SDC2: variants seen among roughly 807,000 people sequenced by gnomAD.
SDC2 encodes the protein syndecan 2.
Under a neutral mutation model 22.2 loss-of-function variants are expected in SDC2, and 13 were observed. That is an observed-to-expected ratio of 0.59 (90% confidence interval 0.38 to 0.93). SDC2 has a LOEUF of 0.93. SDC2 is among the 40% of genes least tolerant of loss of function. The pLI is 0.00. For synonymous variants in SDC2, 94 were observed against 92.8 expected (o/e 1.01, Z -0.07); for missense variants, 235 against 246.8 (o/e 0.95, Z 0.32).
At chr8:96,591,305 G>T (rs1029878013) in intron 1 of SDC2, among the ~76,000 whole-genome samples, 2 of 152,164 alleles carry the variant, frequency 1.3e-5, no homozygotes, top group Non-Finnish European at 2.9e-5. Flanking sequence ...AAGACTGTAG[G>T]TTACTTAAAT....
chr8:96,545,884 A>G (rs1813923308), intron 1 of SDC2, among the ~76,000 whole-genome samples: 1 of 152,230 alleles, frequency 6.6e-6, no homozygotes. Flanking sequence ...TTACTGTGTT[A>G]GATGAGGTTT....
At chr8:96,516,774 A>G (rs1313271159) in intron 1 of SDC2, among the ~76,000 whole-genome samples, 6 of 152,180 alleles carry the variant, frequency 3.9e-5, no homozygotes, top group Non-Finnish European at 7.3e-5. Flanking sequence ...CTTTATTGCC[A>G]AATAAATATT....
intron 1 of SDC2, among the ~76,000 whole-genome samples, chr8:96,573,329 A>ACGTGTATGTACTTGCTGTATGACGGTTG: frequency 5.2e-4 from 1 of 1,926 alleles, no homozygotes; most frequent in African/African-American, 1.4e-3. Context: ...GCAAGTTTCC[A>ACGTGTATGTACTTGCTGTATGACGGTTG]AGAGTGCCAG....
intron 1 of SDC2, among the ~76,000 whole-genome samples, chr8:96,586,920 C>CT (rs1814695987): frequency 1.3e-5 from 2 of 152,058 alleles, no homozygotes; most frequent in African/African-American, 4.8e-5. Context: ...GAAGACCCTT[C>CT]TTTTTTTCTT....
chr8:96,517,770 C>CGT (rs1563645546), intron 1 of SDC2, among the ~76,000 whole-genome samples: 5 of 73,260 alleles, frequency 6.8e-5, no homozygotes, highest in Admixed American at 6.1e-4. Context: ...TGTGTGTGTG[C>CGT]ATGTGTGTGT....
chr8:96,522,237 C>T (rs1813507782), intron 1 of SDC2, among the ~76,000 whole-genome samples: 1 of 152,200 alleles, frequency 6.6e-6, no homozygotes, highest in African/African-American at 2.4e-5. Context: ...GAAAAAAAGT[C>T]TTGCCTTAGA....
Position 96,576,384 on chromosome 8 carries a change from G to GTTTTT in SDC2, c.61-17091_61-17087dup, listed in dbSNP as rs1236267155. On this transcript the variant is annotated intron_variant, in intron 1 of 4. Coordinates refer to ENST00000302190, the MANE Select transcript of SDC2 (RefSeq NM_002998.4). ...TGGTAGTTTGTTTTTGTTTTGTTTTGTTTTTTTTTACCAGATTTGCTTTAT... is the reference window on the plus strand; with the variant it reads ...TGGTAGTTTGTTTTTGTTTTGTTTTGTTTTTTTTTTTTTTACCAGATTTGCTTTAT... Among the ~76,000 whole-genome samples the GTTTTT allele has an allele frequency of 9.8e-5, 5 of 50,994 alleles. 1 individual carries two copies. Among genetic ancestry groups the GTTTTT allele is most frequent in the South Asian group, 8.1e-4 (1 of 1,240 alleles). The allele number at this position is 50,994 out of a possible 152,430, so 33.5% of individuals were successfully genotyped here. A position where few individuals can be genotyped will look rare whatever the true frequency, so the allele number is the denominator to read the frequency against.
chr8:96,590,015 C>T (rs1814751995), intron 1 of SDC2, among the ~76,000 whole-genome samples: 1 of 152,206 alleles, frequency 6.6e-6, no homozygotes, highest in African/African-American at 2.4e-5. Flanking sequence ...CTGGGAATTT[C>T]ATCTATGGAG....
At chr8:96,520,118 T>C (rs537942588) in intron 1 of SDC2, among the ~76,000 whole-genome samples, 2 of 152,314 alleles carry the variant, frequency 1.3e-5, no homozygotes, top group East Asian at 1.9e-4. Context: ...AGAGCTGATA[T>C]AAGAATCCAG....
At chr8:96,558,631 G>T (rs1417844625) in intron 1 of SDC2, among the ~76,000 whole-genome samples, 3 of 152,174 alleles carry the variant, frequency 2.0e-5, no homozygotes, top group Non-Finnish European at 4.4e-5. Context: ...AAGCTTTGGA[G>T]CACCAATTCT....
At chr8:96,598,958 T>C (rs1157285530) in intron 2 of SDC2, among the ~76,000 whole-genome samples, 2 of 150,812 alleles carry the variant, frequency 1.3e-5, no homozygotes, top group South Asian at 2.1e-4. Flanking sequence ...TTTTTTTTTT[T>C]TGAGACAGAG....
intron 1 of SDC2, among the ~76,000 whole-genome samples, chr8:96,546,175 G>A (rs2130525247): frequency 6.6e-6 from 1 of 152,318 alleles, no homozygotes; most frequent in East Asian, 1.9e-4. Context: ...GTCCCTCACA[G>A]GTATCCAAAG....
intron 1 of SDC2, among the ~76,000 whole-genome samples, chr8:96,575,670 CT>C (rs780729482): frequency 1.3e-5 from 2 of 152,118 alleles, no homozygotes; most frequent in Non-Finnish European, 2.9e-5. Flanking sequence ...TGTTGAATCA[CT>C]TCCCCCCACT....
At chr8:96,573,947 C>G (rs2130589590) in intron 1 of SDC2, among the ~76,000 whole-genome samples, 1 of 152,140 alleles carries the variant, frequency 6.6e-6, no homozygotes, top group Non-Finnish European at 1.5e-5. Context: ...TAAAACTCCT[C>G]TCTTTTCTCA....
intron 1 of SDC2, among the ~76,000 whole-genome samples, chr8:96,513,324 T>C (rs1486172707): frequency 6.6e-6 from 1 of 152,218 alleles, no homozygotes; most frequent in African/African-American, 2.4e-5. Context: ...AACACTATTG[T>C]TGGTTTAATA....
intron 2 of SDC2, among the ~76,000 whole-genome samples, chr8:96,594,444 T>C (rs569750761): frequency 7.2e-5 from 11 of 152,262 alleles, no homozygotes; most frequent in African/African-American, 2.6e-4. Flanking sequence ...CAAGTAGAAG[T>C]GTGCAAAGCC....
At chr8:96,565,008 T>C (rs537850866) in intron 1 of SDC2, among the ~76,000 whole-genome samples, 2 of 151,632 alleles carry the variant, frequency 1.3e-5, no homozygotes, top group African/African-American at 4.8e-5. Context: ...AAAATGTACA[T>C]TGAGGAAGGG....
chr8:96,536,666 T>A (rs1209460235), intron 1 of SDC2, among the ~76,000 whole-genome samples: 1 of 152,156 alleles, frequency 6.6e-6, no homozygotes, highest in Non-Finnish European at 1.5e-5. Flanking sequence ...TAGCATGGTG[T>A]TAGGTGCTGG....
intron 1 of SDC2, among the ~76,000 whole-genome samples, chr8:96,529,009 G>A (rs1813620870): frequency 6.6e-6 from 1 of 152,228 alleles, no homozygotes; most frequent in Non-Finnish European, 1.5e-5. Context: ...AGATGCCCCG[G>A]CACAGCTGTG....
Sources: allele counts gnomAD v4.1 joint callset (sites outside exome capture counted in the v4.1 genomes callset), GRCh38; gene constraint gnomAD v4.1.1; transcripts MANE v1.5; gene names NCBI Gene and HGNC (gene_info 2026-07-23, HGNC 2026-07-21).